ABCD2: variants seen among roughly 807,000 people sequenced by gnomAD.
ABCD2 encodes the protein ATP binding cassette subfamily D member 2.
A neutral mutation model predicts 70.9 loss-of-function variants in ABCD2; 36 were observed. The ratio of observed to expected loss-of-function variants is 0.51; its 90% CI spans 0.39 to 0.67. ABCD2 has a LOEUF of 0.67. Among genes scored for constraint, ABCD2 ranks in the 30% least tolerant of loss-of-function variants. ABCD2 has a pLI of 0.00. For synonymous variants in ABCD2, 304 were observed against 306.9 expected, an observed-to-expected ratio of 0.99 and a Z score of 0.10; for missense variants, 729 against 890.2, an observed-to-expected ratio of 0.82 and a Z score of 2.30.
intron 7 of ABCD2, among the ~76,000 whole-genome samples, chr12:39,584,068 T>C (rs1457811783): frequency 6.6e-6 from 1 of 152,208 alleles, no homozygotes; most frequent in African/African-American, 2.4e-5. Context: ...GGTGAAATGG[T>C]AGTTCTGTTT....
intron 6 of ABCD2, among the ~76,000 whole-genome samples, chr12:39,598,443 C>T (rs539262700): frequency 3.3e-5 from 5 of 152,208 alleles, no homozygotes; most frequent in African/African-American, 1.2e-4. Context: ...TCTTGTTGCC[C>T]GGGCTGGAGT....
intron 2 of ABCD2, among the ~76,000 whole-genome samples, chr12:39,615,419 T>C (rs1010977266): frequency 6.6e-6 from 1 of 152,080 alleles, no homozygotes; most frequent in Admixed American, 6.5e-5. Context: ...CTCTCGCTAA[T>C]ACTCTTTTGA....
chr12:39,611,138 G>A (rs1234268019), intron 2 of ABCD2, among the ~76,000 whole-genome samples: 1 of 152,104 alleles, frequency 6.6e-6, no homozygotes, highest in South Asian at 2.1e-4. Context: ...AGAAAAGATG[G>A]GGAAGAATTT....
intron 9 of ABCD2, among the ~76,000 whole-genome samples, chr12:39,568,762 C>G (rs1941399760): frequency 6.6e-6 from 1 of 152,110 alleles, no homozygotes; most frequent in African/African-American, 2.4e-5. Context: ...CTGGTTTTAT[C>G]TATCTTTGGT....
At chr12:39,568,900 C>G (rs975602815) in intron 9 of ABCD2, among the ~76,000 whole-genome samples, 39 of 152,240 alleles carry the variant, frequency 2.6e-4, no homozygotes, top group African/African-American at 8.4e-4. Context: ...CACTCCAGAC[C>G]CTGTTTGTCT....
the ABCD2 span, among the ~76,000 whole-genome samples, chr12:39,533,491 C>T: frequency 6.6e-6 from 1 of 152,232 alleles, no homozygotes; most frequent in South Asian, 2.1e-4. Flanking sequence ...TTCTTGAGAA[C>T]ATAATCTAAA....
chr12:39,599,450 T>C (rs533710380), intron 6 of ABCD2, among the ~76,000 whole-genome samples: 1 of 152,228 alleles, frequency 6.6e-6, no homozygotes, highest in Non-Finnish European at 1.5e-5. Flanking sequence ...CCCAAAGGAA[T>C]TGAAAGCATA....
rs1406036045 is a variant in ABCD2 at position 39,603,951 on chromosome 12, T to G, written c.1461A>C (p.Thr487=). Reference sequence around the variant, plus strand: ...TGGAAGCCACCACTTCTCCTGCTGGTGTAATTATGGGAACATTTTCACAAA... The same window carrying G: ...TGGAAGCCACCACTTCTCCTGCTGGGGTAATTATGGGAACATTTTCACAAA... ...GIICENVPII[T]PAGEVVASRL... Residue 487 remains threonine, a synonymous_variant, in exon 5 of 10, where the codon ACA becomes ACC. Transcript: ENST00000308666. The G allele has an allele frequency of 8.1e-6, 13 of 1,612,940 alleles. No homozygotes were observed. The highest frequency in any genetic ancestry group is 1.1e-5 in the Non-Finnish European group (13 of 1,179,378).
chr12:39,584,368 GT>G (rs1394375729), intron 7 of ABCD2, among the ~76,000 whole-genome samples: 7 of 152,012 alleles, frequency 4.6e-5, no homozygotes, highest in African/African-American at 1.7e-4. Flanking sequence ...GGTGTTGTTT[GT>G]TTTTCCCTTG....
intron 9 of ABCD2, among the ~76,000 whole-genome samples, chr12:39,568,390 T>G (rs1242951233): frequency 1.3e-5 from 2 of 152,228 alleles, no homozygotes; most frequent in Non-Finnish European, 2.9e-5. Flanking sequence ...CTTCCATCAC[T>G]GATACCCTTT....
chr12:39,542,762 G>T, the ABCD2 span, among the ~76,000 whole-genome samples: 1 of 152,144 alleles, frequency 6.6e-6, no homozygotes, highest in African/African-American at 2.4e-5. Flanking sequence ...AAGGGACAAA[G>T]TATAGAATGA....
chr12:39,575,231 A>T (rs1941500196), intron 8 of ABCD2, among the ~76,000 whole-genome samples: 1 of 152,136 alleles, frequency 6.6e-6, no homozygotes, highest in Admixed American at 6.6e-5. Context: ...CCTTGATCGA[A>T]ACAGAGAAAA....
chr12:39,545,810 T>G (rs543800897), downstream of ABCD2, among the ~76,000 whole-genome samples: 1 of 152,110 alleles, frequency 6.6e-6, no homozygotes, highest in East Asian at 1.9e-4. Flanking sequence ...ATAGTAAGAG[T>G]ATAGGATCTA....
intron 6 of ABCD2, among the ~76,000 whole-genome samples, chr12:39,593,789 A>G (rs1242315993): frequency 1.3e-5 from 2 of 152,182 alleles, no homozygotes; most frequent in East Asian, 3.9e-4. Flanking sequence ...TGCTTGTTTT[A>G]TATCTCAACA....
chr12:39,549,768 G>A (rs1466899116), downstream of ABCD2, among the ~76,000 whole-genome samples: 2 of 151,810 alleles, frequency 1.3e-5, no homozygotes, highest in East Asian at 3.8e-4. Flanking sequence ...GACTTGCATA[G>A]GCTTTATAAT....
intron 6 of ABCD2, among the ~76,000 whole-genome samples, chr12:39,589,640 G>A (rs971406959): frequency 1.3e-5 from 2 of 151,960 alleles, no homozygotes; most frequent in Non-Finnish European, 2.9e-5. Flanking sequence ...GCCCACCTCG[G>A]CCTCCCAAAG....
chr12:39,580,448 A>G lies in ABCD2; in HGVS notation c.1793-829T>C, dbSNP rs148404310. Reference sequence around the variant, plus strand: ...ATATTAATATGAAAATGTGCCCAGAATATCTGTACATTAAAAATCAAGTTT... The same window carrying G: ...ATATTAATATGAAAATGTGCCCAGAGTATCTGTACATTAAAAATCAAGTTT... On this transcript the variant is annotated intron_variant, in intron 7 of 9. Coordinates refer to ENST00000308666, the MANE Select transcript of ABCD2 (RefSeq NM_005164.4). Among the ~76,000 whole-genome samples the G allele has an allele frequency of 4.3e-4, 66 of 152,336 alleles. No homozygotes were observed. In the East Asian group the frequency reaches 0.011, roughly 26 times the overall value.
intron 3 of ABCD2, among the ~76,000 whole-genome samples, chr12:39,605,760 G>C (rs1301670661): frequency 6.6e-6 from 1 of 152,120 alleles, no homozygotes; most frequent in Non-Finnish European, 1.5e-5. Flanking sequence ...ACTAAGGATA[G>C]TTCTTGCACA....
intron 9 of ABCD2, among the ~76,000 whole-genome samples, chr12:39,565,088 C>T (rs866797782): frequency 6.6e-6 from 1 of 152,140 alleles, no homozygotes; most frequent in Non-Finnish European, 1.5e-5. Context: ...GTTCTTTTAG[C>T]TTAGGATCGA....
Sources: gnomAD v4.1 joint callset for allele counts (sites outside exome capture counted in the v4.1 genomes callset) on GRCh38, gnomAD v4.1.1 for gene constraint, MANE v1.5 for transcripts, NCBI Gene and HGNC (gene_info 2026-07-23, HGNC 2026-07-21) for gene names.